Variants in LRRTM4 observed in about 807,000 individuals in gnomAD.
LRRTM4 encodes the protein leucine rich repeat transmembrane neuronal 4, also known as leucine-rich repeat transmembrane neuronal protein 4.
Under a neutral mutation model 47.6 loss-of-function variants are expected in LRRTM4, and 25 were observed. That is an observed-to-expected ratio of 0.53 (90% CI 0.38 to 0.73). The LOEUF is 0.73. Ranked by LOEUF, LRRTM4 falls within the 30% of genes least tolerant of loss-of-function variation. The pLI is 0.00. For synonymous variants in LRRTM4, 311 were observed against 269.5 expected (o/e 1.15, Z -1.51); for missense variants, 638 against 713.4 (o/e 0.89, Z 1.20).
Position 77,244,025 on chromosome 2 carries a change from G to GT in LRRTM4, c.1551+274292dup, listed in dbSNP as rs1675352365. Among the ~76,000 whole-genome samples the GT allele has an allele frequency of 3.9e-5, 5 of 127,426 alleles. No individual in the cohort carries two copies. The South Asian group carries it at 1.4e-3, about 35-fold the overall frequency. 83.6% of individuals were successfully genotyped at this position (127,426 alleles called of 152,430 possible). On this transcript the variant is annotated intron_variant, in intron 3 of 3. Coordinates refer to ENST00000409884, the MANE Select transcript of LRRTM4 (RefSeq NM_001134745.3). Reference sequence around the variant, plus strand: ...TATGAGTGAGAATATGCGGTGTTTGGTTTTTTGTTCTTGCGATAGTTTACT... The same window carrying GT: ...TATGAGTGAGAATATGCGGTGTTTGGTTTTTTTGTTCTTGCGATAGTTTACT...
chr2:77,165,617 A>C (rs551744176), intron 3 of LRRTM4, among the ~76,000 whole-genome samples: 1 of 152,344 alleles, frequency 6.6e-6, no homozygotes, highest in South Asian at 2.1e-4. Flanking sequence ...CACCATGATC[A>C]AGTGGGCTTC....
Position 77,491,697 on chromosome 2 carries a change from T to G in LRRTM4, c.1551+26621A>C, listed in dbSNP as rs905595562. 2.6e-5 allele frequency among the ~76,000 whole-genome samples: 4 copies of G among 151,896 alleles called. No homozygotes were observed. The South Asian group carries it at 8.3e-4, about 31-fold the overall frequency. ...ATATTAACGACATTATACCTATAAA[T>G]AACCAGAATATATTTTTGAAGAAGA... On this transcript the variant is annotated intron_variant, in intron 3 of 3. Coordinates refer to ENST00000409884, the MANE Select transcript of LRRTM4 (RefSeq NM_001134745.3).
chr2:77,339,197 T>C (rs1250183734), intron 3 of LRRTM4, among the ~76,000 whole-genome samples: 4 of 152,002 alleles, frequency 2.6e-5, no homozygotes, highest in Non-Finnish European at 2.9e-5. Flanking sequence ...AATCTCAGCA[T>C]CATGCAATAT....
At chr2:77,414,061 T>C (rs1349475742) in intron 3 of LRRTM4, among the ~76,000 whole-genome samples, 1 of 152,204 alleles carries the variant, frequency 6.6e-6, no homozygotes, top group Non-Finnish European at 1.5e-5. Flanking sequence ...CTTGAGGTTA[T>C]ACTGTTACCT....
At position 77,519,859 on chromosome 2, in the gene LRRTM4, G is replaced by T. The variant is rs774631608; in HGVS notation, c.10C>A (p.His4Asn). MGFHLITQLKGMSV... is the reference protein window; with the variant it reads MGFNLITQLKGMSV... ...ATGCCTTTCAGCTGCGTAATTAAAT[G>T]GAAACCTACGATATTAAAAAAAAGA... Residue 4 changes from histidine to asparagine, a missense_variant, in exon 3 of 4, where the codon CAT becomes AAT. Physicochemically the swap from His to Asn is moderately conservative, Grantham distance 68. Transcript: ENST00000409884. This position sits in a 1 kb window ranked among gnomAD's most constrained non-coding sequence, Gnocchi z 4.6. 12 of 1,587,858 alleles carry T rather than the reference G, an allele frequency of 7.6e-6. No individual in the cohort carries two copies. Among genetic ancestry groups the T allele is most frequent in the African/African-American group, 2.7e-5 (2 of 73,806 alleles).
chr2:76,975,053 G>C (rs910036687), intron 3 of LRRTM4, among the ~76,000 whole-genome samples: 1 of 151,480 alleles, frequency 6.6e-6, no homozygotes, highest in African/African-American at 2.4e-5. Context: ...GCTGATCAGT[G>C]GTTAACAAAA....
intron 3 of LRRTM4, among the ~76,000 whole-genome samples, chr2:77,245,855 G>A (rs1675431414): frequency 6.6e-6 from 1 of 152,168 alleles, no homozygotes; most frequent in Non-Finnish European, 1.5e-5. Flanking sequence ...TCTCACTCCA[G>A]TTTCAGAGTG....
At chr2:77,382,820 G>A (rs1673114060) in intron 3 of LRRTM4, among the ~76,000 whole-genome samples, 2 of 151,982 alleles carry the variant, frequency 1.3e-5, no homozygotes, top group Non-Finnish European at 2.9e-5. Context: ...AAATCTAAGA[G>A]TACATGAAAT....
intron 3 of LRRTM4, among the ~76,000 whole-genome samples, chr2:77,470,905 C>T (rs918783950): frequency 1.3e-5 from 2 of 151,950 alleles, no homozygotes; most frequent in Non-Finnish European, 2.9e-5. Flanking sequence ...GACTTAAGAC[C>T]ACAAGTCATC....
chr2:76,909,024 C>T (rs1483889877), intron 3 of LRRTM4, among the ~76,000 whole-genome samples: 1 of 152,082 alleles, frequency 6.6e-6, no homozygotes, highest in Non-Finnish European at 1.5e-5. Context: ...AAAAAAGAGC[C>T]CTCATCGCCA....
intron 3 of LRRTM4, among the ~76,000 whole-genome samples, chr2:76,922,885 C>G (rs72821289): frequency 1.3e-5 from 2 of 151,672 alleles, no homozygotes; most frequent in Non-Finnish European, 2.9e-5. Context: ...ATCTCCTAGA[C>G]GGAGAAAATT....
chr2:76,913,914 CCTT>C lies in LRRTM4; in HGVS notation c.1552-165001_1552-164999del, dbSNP rs1245435676. 3.3e-5 allele frequency among the ~76,000 whole-genome samples: 5 copies of C among 151,896 alleles called. No individual in the cohort carries two copies. The East Asian group carries it at 7.7e-4, about 23-fold the overall frequency. ...AATAATCATAGTGATAGGAAACTTC[CCTT>C]TTTTAGAGCATATGCTAGACTTTTG... On this transcript the variant is annotated intron_variant, in intron 3 of 3. Coordinates refer to ENST00000409884, the MANE Select transcript of LRRTM4 (RefSeq NM_001134745.3).
chr2:77,021,307 C>T (rs1433744038), intron 3 of LRRTM4, among the ~76,000 whole-genome samples: 1 of 151,894 alleles, frequency 6.6e-6, no homozygotes, highest in Non-Finnish European at 1.5e-5. Context: ...GAGAGTATGA[C>T]CATATTTTAC....
intron 3 of LRRTM4, among the ~76,000 whole-genome samples, chr2:76,908,755 A>G (rs1673942360): frequency 6.6e-6 from 1 of 152,104 alleles, no homozygotes; most frequent in Non-Finnish European, 1.5e-5. Flanking sequence ...TGCTTCAAAG[A>G]GAATAAAATA....
intron 3 of LRRTM4, among the ~76,000 whole-genome samples, chr2:77,229,874 A>G (rs1009094514): frequency 8.5e-5 from 13 of 152,134 alleles, no homozygotes; most frequent in Non-Finnish European, 8.8e-5. Flanking sequence ...AATTGTCATT[A>G]AATTTTTTCT....
intron 3 of LRRTM4, among the ~76,000 whole-genome samples, chr2:77,217,033 A>G (rs1674464138): frequency 2.0e-5 from 3 of 150,020 alleles, no homozygotes; most frequent in Non-Finnish European, 4.4e-5. Flanking sequence ...AGATTGCGCC[A>G]CTGCACTGCA....
chr2:76,971,228 C>T (rs964879493), intron 3 of LRRTM4, among the ~76,000 whole-genome samples: 1 of 151,932 alleles, frequency 6.6e-6, no homozygotes, highest in Non-Finnish European at 1.5e-5. Context: ...TGCATCAGCC[C>T]GTCTGTAGTT....
intron 3 of LRRTM4, among the ~76,000 whole-genome samples, chr2:76,816,315 T>C (rs1302953426): frequency 6.6e-6 from 1 of 152,102 alleles, no homozygotes; most frequent in Non-Finnish European, 1.5e-5. Flanking sequence ...GCTTTGACTA[T>C]GCATCTCACC....
In LRRTM4 at chr2:77,220,354, C is replaced by G. The variant is rs551645554; in HGVS notation, c.1551+297964G>C. 7.4e-4 allele frequency among the ~76,000 whole-genome samples: 112 copies of G among 152,262 alleles called. 1 individual carries two copies. Among genetic ancestry groups the G allele is most frequent in the African/African-American group, 2.6e-3 (107 of 41,548 alleles). On this transcript the variant is annotated intron_variant, in intron 3 of 3. Coordinates refer to ENST00000409884, the MANE Select transcript of LRRTM4 (RefSeq NM_001134745.3). Reference sequence around the variant, plus strand: ...ACCAGCAACGGAACAAAGCTGGACGCAGAATGACTTCTACGAGTTGAGAGA... The same window carrying G: ...ACCAGCAACGGAACAAAGCTGGACGGAGAATGACTTCTACGAGTTGAGAGA...
Sources: allele counts gnomAD v4.1 joint callset (sites outside exome capture counted in the v4.1 genomes callset), GRCh38; gene constraint gnomAD v4.1.1; non-coding constraint Gnocchi (gnomAD v3.1); transcripts MANE v1.5; gene names NCBI Gene and HGNC (gene_info 2026-07-23, HGNC 2026-07-21).